The following CAPN11 variants were observed in gnomAD, a reference collection of about 807,000 sequenced individuals.
CAPN11 encodes calpain 11, also known as calpain-11.
Under a neutral mutation model 105.3 loss-of-function variants are expected in CAPN11, and 108 were observed. The observed-to-expected ratio is 1.03, with a 90% confidence interval of 0.88 to 1.20. The LOEUF is 1.20. CAPN11 is among the 50% of genes most tolerant of loss of function. CAPN11 has a pLI of 0.00. For synonymous variants in CAPN11, 329 were observed against 344.5 expected (o/e 0.96, Z 0.50); for missense variants, 883 against 924.8 (o/e 0.95, Z 0.59).
At chr6:44,177,569 C>A (rs10807296) in intron 12 of CAPN11, 149 bp downstream of exon 12, 221,357 of 694,002 alleles carry the variant, frequency 0.32, 38,849 homozygotes, top group Non-Finnish European at 0.37. Flanking sequence ...TTCACTGCAA[C>A]CTCAGCCTCC....
intron 1 of CAPN11, among the ~76,000 whole-genome samples, chr6:44,160,291 CT>C (rs1724228932): frequency 1.3e-5 from 2 of 152,238 alleles, no homozygotes; most frequent in South Asian, 2.1e-4. Flanking sequence ...CAGATATATA[CT>C]TTTTTTGTCA....
chr6:44,172,824 T>C (rs1771242920), intron 5 of CAPN11, 116 bp from the exon 6 acceptor site: 1 of 1,212,898 alleles, frequency 8.2e-7, no homozygotes, highest in African/African-American at 1.5e-5. Flanking sequence ...TTTCCCTCTC[T>C]ATTCAGTGAT....
Position 44,181,161 on chromosome 6 carries a change from G to A in CAPN11, c.1870-91G>A, listed in dbSNP as rs535582243. ...GCTGCTACAGTACCGGAACCCCAGG[G>A]CTTGTGTGTCCCCTCAGGAACCCCC... On this transcript the variant is annotated intron_variant, in intron 18 of 22. Coordinates refer to ENST00000398776, the MANE Select transcript of CAPN11 (RefSeq NM_007058.4). 6 of 1,280,584 alleles carry A rather than the reference G, an allele frequency of 4.7e-6. No homozygotes were observed. The East Asian group carries it at 1.2e-4, about 25-fold the overall frequency. The allele number at this position is 1,280,584 out of a possible 1,614,324, so 79.3% of individuals were successfully genotyped here.
intron 19 of CAPN11, among the ~76,000 whole-genome samples, chr6:44,182,041 CCA>C (rs768249934): frequency 8.1e-5 from 1 of 12,360 alleles, no homozygotes; most frequent in South Asian, 1.5e-3. Context: ...CACAACCACA[CCA>C]CACACACACA....
At position 44,176,916 on chromosome 6, in the gene CAPN11, C is replaced by T. The variant is rs753038491; in HGVS notation, c.1155C>T (p.Asp385=). Residue 385 remains aspartate (D), a synonymous_variant, in exon 11 of 23, where the codon GAC becomes GAT. Coordinates refer to ENST00000398776, the MANE Select transcript of CAPN11 (RefSeq NM_007058.4). ...TCACGCCTGATACACTCTCTGGGGACTACAAGAGCTACTGGCACACCACCT... is the reference window on the plus strand; with the variant it reads ...TCACGCCTGATACACTCTCTGGGGATTACAAGAGCTACTGGCACACCACCT... The part of the protein sequence containing the change: ...CNLTPDTLSG[D]YKSYWHTTFY... 5 of 1,613,836 alleles carry T rather than the reference C, an allele frequency of 3.1e-6. No individual in the cohort carries two copies. In the African/African-American group the frequency reaches 6.7e-5, roughly 22 times the overall value.
chr6:44,166,943 A>AGGG, intron 2 of CAPN11, 114 bp downstream of exon 2: 1 of 251,972 alleles, frequency 4.0e-6, no homozygotes, highest in African/African-American at 2.8e-5. Context: ...TTGTGTGGGG[A>AGGG]GGGCGGCGGG....
Position 44,177,365 on chromosome 6 carries a change from G to A in CAPN11, c.1361G>A (p.Arg454Gln), listed in dbSNP as rs1236516931. Reference protein sequence around the residue: ...CLVALMQKNWRHARQQGAQLQ... With the variant: ...CLVALMQKNWQHARQQGAQLQ... ...GTGGCCCTAATGCAGAAGAACTGGCGGCATGCACGGCAGCAGGGAGCCCAG... is the reference window on the plus strand; with the variant it reads ...GTGGCCCTAATGCAGAAGAACTGGCAGCATGCACGGCAGCAGGGAGCCCAG... The change falls in exon 12 of 23, where the codon CGG (arginine) becomes CAG (glutamine). Residue 454 changes from arginine (R) to glutamine (Q), a missense_variant. Coordinates refer to ENST00000398776, the MANE Select transcript of CAPN11 (RefSeq NM_007058.4). 17 of 1,613,752 alleles carry A rather than the reference G, an allele frequency of 1.1e-5. No individual in the cohort carries two copies. Among genetic ancestry groups the A allele is most frequent in the Admixed American group, 5.0e-5 (3 of 59,996 alleles).
intron 7 of CAPN11, 73 bp downstream of exon 7, chr6:44,173,459 G>A (rs572284322): frequency 1.5e-5 from 14 of 924,790 alleles, no homozygotes; most frequent in Admixed American, 6.4e-5. Flanking sequence ...TCTTCCCCCA[G>A]TATCTGCACG....
chr6:44,167,893 G>A (rs1178289802), intron 2 of CAPN11, among the ~76,000 whole-genome samples: 1 of 147,044 alleles, frequency 6.8e-6, no homozygotes, highest in East Asian at 2.0e-4. Flanking sequence ...TCCAGCCAGG[G>A]CAACAGAGTG....
intron 13 of CAPN11, 41 bp from the exon 14 acceptor site, chr6:44,179,911 C>G: frequency 6.6e-7 from 1 of 1,506,354 alleles, no homozygotes; most frequent in Non-Finnish European, 9.2e-7. Context: ...CCTCCCTAAC[C>G]TCCCATGCCA....
Position 44,180,630 on chromosome 6 carries a change from T to C in CAPN11, c.1714T>C (p.Phe572Leu). The C allele has an allele frequency of 6.2e-7, 1 of 1,613,728 alleles. No homozygotes were observed. Among genetic ancestry groups the C allele is most frequent in the South Asian group, 1.1e-5 (1 of 91,070 alleles). ...KVSEDDMDQDFLHLFKIVAGE... is the reference protein window; with the variant it reads ...KVSEDDMDQDLLHLFKIVAGE... Reference sequence around the variant, plus strand: ...CTCTGAGGATGACATGGACCAGGACTTCCTACATTTGTTTAAGATAGTGGC... The same window carrying C: ...CTCTGAGGATGACATGGACCAGGACCTCCTACATTTGTTTAAGATAGTGGC... The change falls in exon 16 of 23, where the codon TTC becomes CTC. Residue 572 changes from phenylalanine (F) to leucine (L), a missense_variant. Physicochemically the swap from Phe to Leu is conservative, Grantham distance 22. Coordinates refer to ENST00000398776, the MANE Select transcript of CAPN11 (RefSeq NM_007058.4).
intron 14 of CAPN11, 74 bp downstream of exon 14, chr6:44,180,237 G>C: frequency 2.6e-6 from 3 of 1,150,694 alleles, no homozygotes; most frequent in East Asian, 5.1e-5. Context: ...GGGAGCTGCT[G>C]TCGGGTCCTC....
At chr6:44,174,707 C>T (rs1771663531) in intron 7 of CAPN11, among the ~76,000 whole-genome samples, 1 of 150,764 alleles carries the variant, frequency 6.6e-6, no homozygotes, top group African/African-American at 2.4e-5. Flanking sequence ...GCAACATCCA[C>T]CTCCTGGGTT....
intron 14 of CAPN11, 69 bp from the exon 15 acceptor site, chr6:44,180,391 A>G (rs1772930072): frequency 7.0e-7 from 1 of 1,419,840 alleles, no homozygotes; most frequent in Non-Finnish European, 9.9e-7. Flanking sequence ...CATGACCCCC[A>G]GAGCACCCCA....
intron 5 of CAPN11, 96 bp from the exon 6 acceptor site, chr6:44,172,844 T>C (rs1195063355): frequency 1.1e-5 from 15 of 1,362,684 alleles, no homozygotes; most frequent in African/African-American, 1.5e-5. Flanking sequence ...TTCTGGAGAG[T>C]GGAGCCTCTG....
intron 12 of CAPN11, 57 bp from the exon 13 acceptor site, chr6:44,179,562 G>T (rs372512010): frequency 5.9e-5 from 90 of 1,538,216 alleles, no homozygotes; most frequent in Non-Finnish European, 8.0e-5. Flanking sequence ...GGCTTCTGAA[G>T]GCCTGAGGCC....
At chr6:44,162,409 A>ACACACC (rs1491153858) in intron 1 of CAPN11, among the ~76,000 whole-genome samples, 3 of 136,984 alleles carry the variant, frequency 2.2e-5, no homozygotes, top group Non-Finnish European at 4.8e-5. Context: ...ACACACACAC[A>ACACACC]CCTGTAATCA....
At chr6:44,170,847 T>C (rs542660903) in intron 4 of CAPN11, among the ~76,000 whole-genome samples, 70 of 152,272 alleles carry the variant, frequency 4.6e-4, no homozygotes, top group African/African-American at 1.7e-3. Context: ...CCAGGGTAGA[T>C]CTTTCTCCCT....
intron 7 of CAPN11, among the ~76,000 whole-genome samples, chr6:44,174,696 T>G (rs868461111): frequency 4.0e-5 from 6 of 148,560 alleles, no homozygotes; most frequent in Middle Eastern, 6.9e-3. Flanking sequence ...CTCGTTTCAC[T>G]GCAACATCCA....
Sources: gnomAD v4.1 joint callset for allele counts (sites outside exome capture counted in the v4.1 genomes callset) on GRCh38, gnomAD v4.1.1 for gene constraint, MANE v1.5 for transcripts, NCBI Gene and HGNC (gene_info 2026-07-23, HGNC 2026-07-21) for gene names.